Variants in TENM3 observed in about 807,000 individuals in gnomAD.
TENM3 encodes teneurin-3.
A neutral mutation model predicts 255.1 loss-of-function variants in TENM3; 63 were observed. That is an observed-to-expected ratio of 0.25 (90% confidence interval 0.20 to 0.30). TENM3 has a LOEUF of 0.30. TENM3 is among the 10% of genes least tolerant of loss of function. The probability of loss-of-function intolerance (pLI) is 1.00; values close to 1 mark genes in which losing one functional copy is unlikely to be tolerated. For missense variants in TENM3, 2,929 were observed against 3,461.1 expected (o/e 0.85, Z 3.86); for synonymous variants, 1,306 against 1,322.3 (o/e 0.99, Z 0.27).
At chr4:181,724,444 T>C in the TENM3 span, among the ~76,000 whole-genome samples, 1 of 152,196 alleles carries the variant, frequency 6.6e-6, no homozygotes, top group Admixed American at 6.5e-5. Context: ...TATTTTCTAA[T>C]ATACTATTGA....
intron 6 of TENM3, 100 bp from the exon 7 acceptor site, chr4:182,672,905 G>A: frequency 2.4e-6 from 2 of 842,328 alleles, no homozygotes; most frequent in South Asian, 1.9e-5. Flanking sequence ...AATGGCTTGA[G>A]CATTTGGTAA....
chr4:182,726,431 G>T (rs976143506), intron 13 of TENM3, among the ~76,000 whole-genome samples: 1 of 151,666 alleles, frequency 6.6e-6, no homozygotes, highest in East Asian at 1.9e-4. Context: ...CTTGCCTGGG[G>T]ATGGCTCCAT....
At chr4:181,891,453 C>CCTTCACAACAT in the TENM3 span, among the ~76,000 whole-genome samples, 14 of 152,286 alleles carry the variant, frequency 9.2e-5, no homozygotes, top group South Asian at 1.9e-3. Flanking sequence ...GTGATTCCCT[C>CCTTCACAACAT]CTTCACAACC....
chr4:182,590,741 A>G (rs1042669189), intron 3 of TENM3, among the ~76,000 whole-genome samples: 8 of 143,820 alleles, frequency 5.6e-5, no homozygotes, highest in African/African-American at 1.0e-4. Flanking sequence ...TGTATTCCCA[A>G]CTACTCGGGG....
chr4:181,597,489 G>A, the TENM3 span, among the ~76,000 whole-genome samples: 1 of 149,098 alleles, frequency 6.7e-6, no homozygotes, highest in African/African-American at 2.5e-5. Context: ...ATTTCTGCCT[G>A]TTGAGGAAAC....
rs1457472687 is a variant in TENM3, at chr4:182,628,854, C to T, written c.953C>T (p.Ser318Leu). Reference sequence around the variant, plus strand: ...ACTGCACTGTGTGCCGTAGGGGTCTCGGTGCTCCTGGCAATACTCCTGTCT... The same window carrying T: ...ACTGCACTGTGTGCCGTAGGGGTCTTGGTGCTCCTGGCAATACTCCTGTCT... ...KCTALCAVGV[S>L]VLLAILLSYF... is the part of the protein sequence containing the mutation. Residue 318 changes from serine (S) to leucine (L), a missense_variant, in exon 5 of 28, where the codon TCG becomes TTG. Around this residue, in one of 6 missense-constraint regions of TENM3, gnomAD observed 1,608 missense variants for 1,884.4 expected, o/e 0.85. Transcript: ENST00000511685. 1.9e-6 allele frequency: 3 copies of T among 1,607,826 alleles called. No individual in the cohort carries two copies. Among genetic ancestry groups the T allele is most frequent in the South Asian group, 1.1e-5 (1 of 89,642 alleles).
chr4:182,097,653 C>A, the TENM3 span, among the ~76,000 whole-genome samples: 1 of 152,140 alleles, frequency 6.6e-6, no homozygotes, highest in African/African-American at 2.4e-5. Context: ...TCCTGGGTCA[C>A]CCTGGCATAG....
At chr4:181,527,576 G>A in the TENM3 span, among the ~76,000 whole-genome samples, 25 of 151,324 alleles carry the variant, frequency 1.7e-4, no homozygotes, top group Non-Finnish European at 1.6e-4. Flanking sequence ...GCCATGGCCA[G>A]GCTGGTCTCG....
chr4:181,463,244 T>C, the TENM3 span, among the ~76,000 whole-genome samples: 2 of 152,210 alleles, frequency 1.3e-5, no homozygotes, highest in African/African-American at 2.4e-5. Flanking sequence ...TTAACATCCA[T>C]GTCAAATACC....
chr4:181,726,304 T>C, the TENM3 span, among the ~76,000 whole-genome samples: 1 of 152,174 alleles, frequency 6.6e-6, no homozygotes, highest in Non-Finnish European at 1.5e-5. Flanking sequence ...TTTCCTACCA[T>C]GTAGAAATGT....
chr4:181,833,988 C>T, the TENM3 span, among the ~76,000 whole-genome samples: 1 of 151,990 alleles, frequency 6.6e-6, no homozygotes, highest in African/African-American at 2.4e-5. Context: ...TAAAGTGTGG[C>T]TTTTTATTTT....
the TENM3 span, among the ~76,000 whole-genome samples, chr4:181,497,338 A>C: frequency 1.3e-5 from 2 of 152,162 alleles, no homozygotes; most frequent in Non-Finnish European, 2.9e-5. Flanking sequence ...GAGCTTTGAA[A>C]GACTGTCTAC....
chr4:181,541,878 T>C, the TENM3 span, among the ~76,000 whole-genome samples: 1 of 152,234 alleles, frequency 6.6e-6, no homozygotes, highest in Admixed American at 6.5e-5. Flanking sequence ...CATCTGCTAA[T>C]TATTCCCTAT....
intron 4 of TENM3, among the ~76,000 whole-genome samples, chr4:182,603,527 A>G (rs998221294): frequency 6.6e-6 from 1 of 152,076 alleles, no homozygotes; most frequent in African/African-American, 2.4e-5. Flanking sequence ...GTGATGTGAA[A>G]ATCTCACACT....
intron 3 of TENM3, among the ~76,000 whole-genome samples, chr4:182,400,903 G>T (rs528614855): frequency 1.5e-4 from 23 of 152,284 alleles, no homozygotes; most frequent in South Asian, 6.2e-4. Context: ...GTTATACTAT[G>T]GGGGTAGAAA....
the TENM3 span, among the ~76,000 whole-genome samples, chr4:181,526,936 A>G: frequency 2.6e-3 from 393 of 152,258 alleles, 2 homozygotes; most frequent in African/African-American, 9.2e-3. Flanking sequence ...TAGTTCAGTT[A>G]GGAGATAAAG....
the TENM3 span, among the ~76,000 whole-genome samples, chr4:181,699,442 CAAAAAAAAAAAAAA>C: frequency 0.021 from 906 of 44,130 alleles, 28 homozygotes; most frequent in Non-Finnish European, 0.025. Context: ...GACCCTGTCG[CAAAAAAAAAAAAAA>C]AAAAAAAAAA....
chr4:181,781,994 T>A, the TENM3 span, among the ~76,000 whole-genome samples: 1 of 152,198 alleles, frequency 6.6e-6, no homozygotes, highest in Non-Finnish European at 1.5e-5. Context: ...GGATAAGCTT[T>A]TTGATGTGCT....
the TENM3 span, among the ~76,000 whole-genome samples, chr4:181,704,779 T>C: frequency 6.6e-6 from 1 of 152,138 alleles, no homozygotes. Flanking sequence ...ATGTCTGTAC[T>C]CCCAGCACTT....
Sources: gnomAD v4.1 joint callset for allele counts (sites outside exome capture counted in the v4.1 genomes callset) on GRCh38, gnomAD v4.1.1 for gene constraint, gnomAD v4.1.1 regional missense constraint, MANE v1.5 for transcripts, NCBI Gene and HGNC (gene_info 2026-07-23, HGNC 2026-07-21) for gene names.